Variants in MAML3 observed in about 807,000 individuals in gnomAD.
MAML3 encodes mastermind-like protein 3.
MAML3 carries 27 observed loss-of-function variants against 101.9 expected under a neutral mutation model. The ratio of observed to expected loss-of-function variants is 0.27; its 90% CI spans 0.20 to 0.37. The LOEUF (loss-of-function observed/expected upper bound fraction) is 0.37, where lower values mean the gene tolerates loss of function less well. Among genes scored for constraint, MAML3 ranks in the 10% least tolerant of loss-of-function variants. The pLI is 1.00. For synonymous variants in MAML3, 501 were observed against 555.9 expected (o/e 0.90, Z 1.39); for missense variants, 1,316 against 1,444.9 (o/e 0.91, Z 1.45).
At chr4:139,898,832 C>T (rs778736090) in intron 1 of MAML3, among the ~76,000 whole-genome samples, 7 of 152,184 alleles carry the variant, frequency 4.6e-5, no homozygotes, top group Non-Finnish European at 1.0e-4. Context: ...TACTCATGTG[C>T]TAGATATTTT....
intron 1 of MAML3, among the ~76,000 whole-genome samples, chr4:140,152,185 G>T (rs929708948): frequency 1.3e-5 from 2 of 152,112 alleles, no homozygotes; most frequent in Non-Finnish European, 2.9e-5. Flanking sequence ...CCCGCGCCCC[G>T]CATCCGCGCG....
intron 1 of MAML3, among the ~76,000 whole-genome samples, chr4:140,048,397 T>G (rs556321906): frequency 6.6e-6 from 1 of 152,038 alleles, no homozygotes; most frequent in South Asian, 2.1e-4. Flanking sequence ...CAGGAGAAAT[T>G]TATTGGGAAC....
chr4:139,891,800 T>C (rs933684948), intron 1 of MAML3, among the ~76,000 whole-genome samples: 6 of 152,266 alleles, frequency 3.9e-5, no homozygotes, highest in Non-Finnish European at 8.8e-5. Context: ...TAAGTTCTTA[T>C]GTGACCTCAC....
At chr4:139,919,527 G>C (rs191899466) in intron 1 of MAML3, among the ~76,000 whole-genome samples, 1 of 152,298 alleles carries the variant, frequency 6.6e-6, no homozygotes, top group East Asian at 1.9e-4. Context: ...AAAGCAAAGA[G>C]ATGTAAGATG....
intron 1 of MAML3, among the ~76,000 whole-genome samples, chr4:140,092,636 G>A (rs549408453): frequency 8.5e-5 from 13 of 152,332 alleles, no homozygotes; most frequent in Non-Finnish European, 1.8e-4. Context: ...GCGTTTCAAT[G>A]TGTGCCATCA....
At chr4:140,021,494 C>T (rs1376629166) in intron 1 of MAML3, among the ~76,000 whole-genome samples, 2 of 152,022 alleles carry the variant, frequency 1.3e-5, no homozygotes, top group African/African-American at 4.8e-5. Flanking sequence ...ACTATTATTC[C>T]CAATTTATAA....
rs1553949966 is a variant in MAML3, at chr4:139,717,314, A to ATATT, written c.*2005_*2008dup. On this transcript the variant is annotated 3_prime_UTR_variant, in exon 5 of 5. Coordinates refer to ENST00000509479, the MANE Select transcript of MAML3 (RefSeq NM_018717.5). ...CCTCCAGTTTCTCATCATTGCTTAT[A>ATATT]TATTTATTTCCTGTACCTTTCAGGA... 10 of 152,354 alleles carry ATATT rather than the reference A, an allele frequency of 6.6e-5. No individual in the cohort carries two copies. The highest frequency in any genetic ancestry group is 2.1e-4 in the South Asian group (1 of 4,806). The allele number at this position is 152,354 out of a possible 1,614,324, so 9.4% of individuals were successfully genotyped here. A position where few individuals can be genotyped will look rare whatever the true frequency, so the allele number is the denominator to read the frequency against.
chr4:139,803,381 A>G (rs1730644035), intron 2 of MAML3, among the ~76,000 whole-genome samples: 2 of 152,240 alleles, frequency 1.3e-5, no homozygotes, highest in Non-Finnish European at 2.9e-5. Flanking sequence ...TTTTTGGAAA[A>G]AAAGATTTTT....
At chr4:139,858,194 G>A (rs765915495) in intron 2 of MAML3, among the ~76,000 whole-genome samples, 12 of 152,228 alleles carry the variant, frequency 7.9e-5, no homozygotes, top group Non-Finnish European at 1.6e-4. Flanking sequence ...GAGAGGTTAA[G>A]TAACTTGTCT....
intron 2 of MAML3, among the ~76,000 whole-genome samples, chr4:139,858,342 C>T (rs1731705023): frequency 6.6e-6 from 1 of 152,126 alleles, no homozygotes; most frequent in Non-Finnish European, 1.5e-5. Context: ...TTCCTCTCAG[C>T]CCTAGGTCAT....
intron 1 of MAML3, among the ~76,000 whole-genome samples, chr4:139,901,777 G>T (rs1349263547): frequency 6.6e-6 from 1 of 152,154 alleles, no homozygotes; most frequent in African/African-American, 2.4e-5. Context: ...GGAGGGAGGC[G>T]GGAAGGAGCA....
At chr4:140,074,152 A>AAGGAAAGAAAGAAAGAGAG (rs1560885421) in intron 1 of MAML3, among the ~76,000 whole-genome samples, 1 of 135,894 alleles carries the variant, frequency 7.4e-6, no homozygotes, top group African/African-American at 2.6e-5. Context: ...GAAAGAAAGA[A>AAGGAAAGAAAGAAAGAGAG]AGAGAGAGAG....
At position 140,153,046 on chromosome 4, in the gene MAML3, C is replaced by A; in HGVS notation, c.282G>T (p.Arg94Ser). The A allele has an allele frequency of 6.3e-7, 1 of 1,583,518 alleles. No homozygotes were observed. Among genetic ancestry groups the A allele is most frequent in the Non-Finnish European group, 8.6e-7 (1 of 1,164,584 alleles). ...CRRHHVNCEN[R>S]YQQAQVEQLE... The stretch of plus-strand genomic sequence containing the variant: ...GCTGCTCCACCTGAGCCTGCTGGTA[C>A]CTGTTCTCGCAGTTGACGTGGTGCC... The change falls in exon 1 of 5, where the codon AGG (arginine) becomes AGT (serine). Residue 94 changes from arginine (R) to serine (S), a missense_variant. Coordinates refer to ENST00000509479, the MANE Select transcript of MAML3 (RefSeq NM_018717.5).
intron 4 of MAML3, 97 bp from the exon 5 acceptor site, chr4:139,720,420 T>C: frequency 8.8e-7 from 1 of 1,134,756 alleles, no homozygotes; most frequent in Non-Finnish European, 1.2e-6. Context: ...ACAAAATTCC[T>C]TTATATGAAA....
intron 1 of MAML3, among the ~76,000 whole-genome samples, chr4:140,117,650 T>TATAC (rs1491577856): frequency 2.2e-5 from 2 of 91,318 alleles, no homozygotes; most frequent in Non-Finnish European, 5.8e-5. Context: ...TGTATACAGG[T>TATAC]ATATATATAT....
At chr4:140,076,118 C>T (rs1364342027) in intron 1 of MAML3, among the ~76,000 whole-genome samples, 1 of 152,032 alleles carries the variant, frequency 6.6e-6, no homozygotes, top group Non-Finnish European at 1.5e-5. Context: ...CGTCCTGCCT[C>T]AGCCTCCCAA....
chr4:139,760,904 A>G (rs1282069500), intron 2 of MAML3, among the ~76,000 whole-genome samples: 5 of 152,218 alleles, frequency 3.3e-5, no homozygotes, highest in Non-Finnish European at 2.9e-5. Context: ...GAATTGTTAT[A>G]TAGAAAAGAG....
intron 1 of MAML3, among the ~76,000 whole-genome samples, chr4:140,008,827 G>C (rs1344097180): frequency 6.6e-6 from 1 of 152,150 alleles, no homozygotes; most frequent in East Asian, 1.9e-4. Context: ...ACTTCTGTCA[G>C]GCACTGACCT....
intron 2 of MAML3, among the ~76,000 whole-genome samples, chr4:139,863,729 A>G (rs377092017): frequency 2.9e-4 from 44 of 152,246 alleles, no homozygotes; most frequent in African/African-American, 9.4e-4. Context: ...CACTCAGAAC[A>G]TAAAATGCTC....
Sources: gnomAD v4.1 joint callset for allele counts (sites outside exome capture counted in the v4.1 genomes callset) on GRCh38, gnomAD v4.1.1 for gene constraint, MANE v1.5 for transcripts, NCBI Gene and HGNC (gene_info 2026-07-23, HGNC 2026-07-21) for gene names.